Variants in CNBD1 observed in about 807,000 individuals in gnomAD.
CNBD1 encodes cyclic nucleotide binding domain containing 1, also known as cyclic nucleotide-binding domain-containing protein 1.
Under a neutral mutation model 54.4 loss-of-function variants are expected in CNBD1, and 71 were observed. The observed-to-expected ratio is 1.30, with a 90% confidence interval of 1.08 to 1.59. The LOEUF (loss-of-function observed/expected upper bound fraction) is 1.59, where lower values mean the gene tolerates loss of function less well. Among genes scored for constraint, CNBD1 ranks in the 40% most tolerant of loss-of-function variants. The pLI is 0.00. For missense variants in CNBD1, 659 were observed against 518.0 expected, an observed-to-expected ratio of 1.27 and a Z score of -2.64; for synonymous variants, 182 against 170.7, an observed-to-expected ratio of 1.07 and a Z score of -0.51.
rs1442863065 is a variant in CNBD1, at chr8:87,330,338, A to G, written c.1043-21347A>G. Among the ~76,000 whole-genome samples the G allele has an allele frequency of 2.0e-5, 3 of 149,340 alleles. No homozygotes were observed. The East Asian group carries it at 5.9e-4, about 30-fold the overall frequency. ...TTTTCTCTATTGATTTTCTGGTTTC[A>G]ATTTTATTAATTTTGGCTCTCATTT... On this transcript the variant is annotated intron_variant, in intron 8 of 10. Transcript: ENST00000518476.
At chr8:87,024,774 G>C (rs1412705642) in intron 4 of CNBD1, among the ~76,000 whole-genome samples, 1 of 152,104 alleles carries the variant, frequency 6.6e-6, no homozygotes, top group Non-Finnish European at 1.5e-5. Flanking sequence ...TAGATAACGA[G>C]ATAATTTTGT....
At chr8:87,411,795 G>T (rs1030694451) in intron 2 of CNBD1, among the ~76,000 whole-genome samples, 5 of 151,270 alleles carry the variant, frequency 3.3e-5, no homozygotes, top group Admixed American at 1.3e-4. Flanking sequence ...CAATAATATT[G>T]ATATGATAAA....
intron 10 of CNBD1, among the ~76,000 whole-genome samples, chr8:87,358,388 A>T (rs1271767467): frequency 1.3e-5 from 2 of 152,296 alleles, no homozygotes; most frequent in Non-Finnish European, 2.9e-5. Context: ...TTGCTTAAAA[A>T]TAATTACTAA....
At chr8:87,404,002 C>T (rs955752310) in intron 2 of CNBD1, among the ~76,000 whole-genome samples, 1 of 151,978 alleles carries the variant, frequency 6.6e-6, no homozygotes. Flanking sequence ...CTTCAGATGT[C>T]CAGATCAACT....
intron 6 of CNBD1, among the ~76,000 whole-genome samples, chr8:87,256,071 G>A (rs1303998830): frequency 8.2e-6 from 1 of 122,572 alleles, no homozygotes; most frequent in Non-Finnish European, 1.6e-5. Flanking sequence ...CACCCAGGCT[G>A]GAGTGCAATG....
intron 8 of CNBD1, among the ~76,000 whole-genome samples, chr8:87,329,994 T>G (rs1809786329): frequency 6.6e-6 from 1 of 151,990 alleles, no homozygotes; most frequent in Non-Finnish European, 1.5e-5. Context: ...TACTCCTAGT[T>G]TCTTACCATT....
intron 6 of CNBD1, among the ~76,000 whole-genome samples, chr8:87,281,541 GATATATATATATATATATATATAT>G (rs57434544): frequency 0.023 from 2,188 of 95,700 alleles, 73 homozygotes; most frequent in African/African-American, 0.044. Flanking sequence ...TCTAGGCTAA[GATATATATATATATATATATATAT>G]ATATATATAT....
chr8:87,105,335 GAA>G (rs1433611529), intron 4 of CNBD1, among the ~76,000 whole-genome samples: 1 of 152,050 alleles, frequency 6.6e-6, no homozygotes, highest in Admixed American at 6.6e-5. Context: ...AGATATTAGT[GAA>G]AGAGTCATAA....
intron 10 of CNBD1, among the ~76,000 whole-genome samples, chr8:87,380,555 A>G (rs893926722): frequency 2.0e-5 from 3 of 151,990 alleles, no homozygotes; most frequent in Non-Finnish European, 4.4e-5. Context: ...TCTGAAAAAA[A>G]GCACCATTAG....
rs189648187 is a variant in CNBD1, at chr8:87,209,667, A to G, written c.577+3529A>G. Among the ~76,000 whole-genome samples the G allele has an allele frequency of 1.1e-3, 168 of 152,308 alleles. 1 individual carries two copies. Among genetic ancestry groups the G allele is most frequent in the African/African-American group, 3.9e-3 (161 of 41,564 alleles). On this transcript the variant is annotated intron_variant, in intron 5 of 10. Transcript: ENST00000518476. ...CAGGACATTTTTCACAGAAATAGAAAAACAATTCTTAAATTCATATGGAAC... is the reference window on the plus strand; with the variant it reads ...CAGGACATTTTTCACAGAAATAGAAGAACAATTCTTAAATTCATATGGAAC...
At chr8:87,321,239 T>C (rs1379378448) in intron 8 of CNBD1, among the ~76,000 whole-genome samples, 1 of 149,718 alleles carries the variant, frequency 6.7e-6, no homozygotes, top group African/African-American at 2.5e-5. Context: ...TTTTAATTTT[T>C]TGAAGAATCT....
intron 4 of CNBD1, among the ~76,000 whole-genome samples, chr8:87,041,676 G>A (rs1480572020): frequency 2.0e-5 from 3 of 152,156 alleles, no homozygotes; most frequent in Non-Finnish European, 4.4e-5. Context: ...GTGGGTGCCT[G>A]TAGTCCCAGC....
At chr8:87,096,703 C>T (rs552761516) in intron 4 of CNBD1, among the ~76,000 whole-genome samples, 3 of 152,148 alleles carry the variant, frequency 2.0e-5, no homozygotes, top group South Asian at 2.1e-4. Context: ...TAGATGTTGA[C>T]TTTCAGAATA....
At chr8:86,881,374 A>T (rs1829001350) in intron 1 of CNBD1, among the ~76,000 whole-genome samples, 1 of 152,130 alleles carries the variant, frequency 6.6e-6, no homozygotes, top group Non-Finnish European at 1.5e-5. Flanking sequence ...TACGCCAACA[A>T]CAGGCAAGCA....
chr8:87,426,426 G>T (rs1342476927), intron 2 of CNBD1, among the ~76,000 whole-genome samples: 1 of 152,116 alleles, frequency 6.6e-6, no homozygotes, highest in African/African-American at 2.4e-5. Context: ...GAATAATAAT[G>T]CTAACATTTA....
chr8:87,348,142 C>A (rs1005796990), intron 8 of CNBD1, among the ~76,000 whole-genome samples: 2 of 152,044 alleles, frequency 1.3e-5, no homozygotes, highest in African/African-American at 4.8e-5. Flanking sequence ...GGAGAACAAC[C>A]TCTTTAAATG....
At chr8:87,215,977 C>A (rs1235726421) in intron 5 of CNBD1, among the ~76,000 whole-genome samples, 1 of 152,162 alleles carries the variant, frequency 6.6e-6, no homozygotes, top group Non-Finnish European at 1.5e-5. Flanking sequence ...TGAATGGAAT[C>A]ATACAATATG....
intron 6 of CNBD1, among the ~76,000 whole-genome samples, chr8:87,259,241 A>G (rs1444666322): frequency 6.6e-6 from 1 of 152,198 alleles, no homozygotes; most frequent in Admixed American, 6.6e-5. Flanking sequence ...TCACTTTAGG[A>G]CAAGAATTTA....
intron 1 of CNBD1, among the ~76,000 whole-genome samples, chr8:86,869,663 C>T (rs1808414452): frequency 6.6e-6 from 1 of 152,088 alleles, no homozygotes; most frequent in Non-Finnish European, 1.5e-5. Context: ...AATGAATGTT[C>T]TCAAAAGCAG....
Sources: allele counts gnomAD v4.1 joint callset (sites outside exome capture counted in the v4.1 genomes callset), GRCh38; gene constraint gnomAD v4.1.1; transcripts MANE v1.5; gene names NCBI Gene and HGNC (gene_info 2026-07-23, HGNC 2026-07-21).